The following RBM33 variants were observed in gnomAD, a reference collection of about 807,000 sequenced individuals.
RBM33 encodes RNA-binding protein 33.
A neutral mutation model predicts 132.6 loss-of-function variants in RBM33; 28 were observed. The ratio of observed to expected loss-of-function variants is 0.21; its 90% CI spans 0.16 to 0.29. The LOEUF (loss-of-function observed/expected upper bound fraction) is 0.29. RBM33 is among the 10% of genes least tolerant of loss of function. The pLI, the probability that RBM33 is intolerant of heterozygous loss-of-function variation, is 1.00. For synonymous variants in RBM33, 634 were observed against 593.0 expected (o/e 1.07, Z -1.01); for missense variants, 1,291 against 1,518.5 (o/e 0.85, Z 2.49).
At chr7:155,770,192 T>C (rs1802371692) in intron 16 of RBM33, among the ~76,000 whole-genome samples, 1 of 152,226 alleles carries the variant, frequency 6.6e-6, no homozygotes, top group Non-Finnish European at 1.5e-5. Context: ...AGACCCAGCA[T>C]GTTATGATAA....
chr7:155,737,265 T>C (rs186330343), intron 9 of RBM33, among the ~76,000 whole-genome samples: 3 of 150,542 alleles, frequency 2.0e-5, no homozygotes, highest in Admixed American at 6.6e-5. Context: ...TGTGTGTGTG[T>C]GATTACAATA....
chr7:155,750,375 A>G lies in RBM33; in HGVS notation c.2979+4773A>G, dbSNP rs192846406. Among the ~76,000 whole-genome samples, 505 of 151,448 alleles carry G rather than the reference A, an allele frequency of 3.3e-3. 5 individuals are homozygous for G. The highest frequency in any genetic ancestry group is 0.017 in the South Asian group (81 of 4,812). On this transcript the variant is annotated intron_variant, in intron 14 of 17. Transcript: ENST00000401878. Reference sequence around the variant, plus strand: ...AAATATTTACTTAGTGTAAACTTATATAGTCATCTAAAACCAGTCTGTGTG... The same window carrying G: ...AAATATTTACTTAGTGTAAACTTATGTAGTCATCTAAAACCAGTCTGTGTG...
chr7:155,770,594 C>CT (rs34251346), intron 16 of RBM33, among the ~76,000 whole-genome samples: 4,320 of 136,212 alleles, frequency 0.032, 61 homozygotes, highest in South Asian at 0.056. Context: ...CAGCTGATAC[C>CT]TTTTTTTTTT....
At chr7:155,665,296 C>T (rs767163211) in intron 2 of RBM33, 43 bp downstream of exon 2, 2 of 1,562,056 alleles carry the variant, frequency 1.3e-6, no homozygotes, top group Middle Eastern at 1.7e-4. Context: ...GTGCCGATCT[C>T]TCTCATTCTG....
intron 4 of RBM33, among the ~76,000 whole-genome samples, chr7:155,679,926 T>A (rs1326770758): frequency 6.6e-6 from 1 of 151,958 alleles, no homozygotes; most frequent in Non-Finnish European, 1.5e-5. Context: ...TGTGATTTAA[T>A]AGGTGGAACA....
At chr7:155,680,554 T>G in intron 4 of RBM33, 36 bp from the exon 5 acceptor site, 1 of 1,412,122 alleles carries the variant, frequency 7.1e-7, no homozygotes, top group Non-Finnish European at 9.5e-7. Flanking sequence ...CCTCTCTTCA[T>G]TGGGTGCTTT....
intron 6 of RBM33, among the ~76,000 whole-genome samples, chr7:155,701,657 A>T (rs1411527224): frequency 6.6e-6 from 1 of 152,172 alleles, no homozygotes; most frequent in Non-Finnish European, 1.5e-5. Context: ...CTGATTGATT[A>T]GATATAGGGT....
rs532970817 is a variant in RBM33, at chr7:155,758,860, C to G, written c.2980-4952C>G. Reference sequence around the variant, plus strand: ...AAGAGACCACCGAGAGCCAGACCCACTGGGAAGAAAAACCAAGTAGCTGCA... The same window carrying G: ...AAGAGACCACCGAGAGCCAGACCCAGTGGGAAGAAAAACCAAGTAGCTGCA... On this transcript the variant is annotated intron_variant, in intron 14 of 17. Transcript: ENST00000401878. 2.2e-4 allele frequency among the ~76,000 whole-genome samples: 34 copies of G among 152,270 alleles called. 1 individual carries two copies. The highest frequency in any genetic ancestry group is 2.0e-3 in the Admixed American group (31 of 15,306).
At chr7:155,681,482 G>GT (rs891062841) in intron 5 of RBM33, among the ~76,000 whole-genome samples, 79 of 146,158 alleles carry the variant, frequency 5.4e-4, no homozygotes, top group East Asian at 1.4e-3. Flanking sequence ...TTGGTAGGTA[G>GT]TTTTTTTTTT....
intron 1 of RBM33, among the ~76,000 whole-genome samples, chr7:155,663,838 A>G (rs1018349373): frequency 2.0e-5 from 3 of 152,032 alleles, no homozygotes; most frequent in Non-Finnish European, 4.4e-5. Flanking sequence ...TGTCTCTCAG[A>G]TTTCTTTGCT....
chr7:155,767,653 T>A (rs1802269373), intron 16 of RBM33, among the ~76,000 whole-genome samples: 1 of 152,228 alleles, frequency 6.6e-6, no homozygotes, highest in South Asian at 2.1e-4. Context: ...CCATCTTCAT[T>A]ACTGGCTTCC....
At position 155,685,090 on chromosome 7, in the gene RBM33, T is replaced by C. The variant is rs941867666; in HGVS notation, c.567+4182T>C. ...CTTTTAAAAAGAGTAAAAAGTTTGC[T>C]GTTTCCCTCCCCCAGACTTAAAATG... On this transcript the variant is annotated intron_variant, in intron 5 of 17. Transcript: ENST00000401878. 9 of 1,541,840 alleles carry C rather than the reference T, an allele frequency of 5.8e-6. No homozygotes were observed. In the African/African-American group the frequency reaches 9.6e-5, roughly 16 times the overall value.
At chr7:155,750,430 A>C (rs1264079240) in intron 14 of RBM33, among the ~76,000 whole-genome samples, 1 of 152,242 alleles carries the variant, frequency 6.6e-6, no homozygotes, top group East Asian at 1.9e-4. Flanking sequence ...AATTAGAACA[A>C]ACAAGTGCCA....
intron 8 of RBM33, among the ~76,000 whole-genome samples, chr7:155,713,356 A>G (rs1461254606): frequency 6.6e-6 from 1 of 151,896 alleles, no homozygotes; most frequent in Non-Finnish European, 1.5e-5. Context: ...AGAGCCCTGG[A>G]GGAGGGAGTC....
At chr7:155,669,025 T>TA (rs1255595242) in intron 2 of RBM33, among the ~76,000 whole-genome samples, 2 of 152,216 alleles carry the variant, frequency 1.3e-5, no homozygotes, top group Admixed American at 1.3e-4. Context: ...AGTTGTTTCA[T>TA]ATTGTTTGTG....
At chr7:155,656,936 C>G (rs1243297721) in intron 1 of RBM33, among the ~76,000 whole-genome samples, 1 of 151,120 alleles carries the variant, frequency 6.6e-6, no homozygotes, top group Non-Finnish European at 1.5e-5. Context: ...TCTTTTCTTA[C>G]TAGAATGTAA....
At chr7:155,759,691 A>G (rs1801970867) in intron 14 of RBM33, among the ~76,000 whole-genome samples, 1 of 152,220 alleles carries the variant, frequency 6.6e-6, no homozygotes, top group Non-Finnish European at 1.5e-5. Flanking sequence ...AGCACAGTTT[A>G]AAAATTATCA....
chr7:155,651,563 G>A (rs1798354197), intron 1 of RBM33, among the ~76,000 whole-genome samples: 1 of 146,390 alleles, frequency 6.8e-6, no homozygotes, highest in South Asian at 2.2e-4. Flanking sequence ...CTGGGCAACA[G>A]GGAAACTCTT....
intron 7 of RBM33, among the ~76,000 whole-genome samples, chr7:155,709,373 T>C (rs1236077062): frequency 1.3e-5 from 2 of 152,294 alleles, no homozygotes; most frequent in African/African-American, 4.8e-5. Context: ...GAAATGCCTT[T>C]TCTTTAACTG....
Sources: allele counts gnomAD v4.1 joint callset (sites outside exome capture counted in the v4.1 genomes callset), GRCh38; gene constraint gnomAD v4.1.1; transcripts MANE v1.5; gene names NCBI Gene and HGNC (gene_info 2026-07-23, HGNC 2026-07-21).